Variants in ZCCHC7 observed in about 807,000 individuals in gnomAD.
The protein encoded by ZCCHC7 is zinc finger CCHC-type containing 7, also known as zinc finger CCHC domain-containing protein 7.
ZCCHC7 carries 35 observed loss-of-function variants against 52.0 expected under a neutral mutation model. The ratio of observed to expected loss-of-function variants is 0.67; its 90% CI spans 0.51 to 0.89. The LOEUF is 0.89. Among genes scored for constraint, ZCCHC7 ranks in the 40% least tolerant of loss-of-function variants. The pLI is 0.00. For missense variants in ZCCHC7, 574 were observed against 649.1 expected, an observed-to-expected ratio of 0.88 and a Z score of 1.26; for synonymous variants, 217 against 221.5, an observed-to-expected ratio of 0.98 and a Z score of 0.18.
At chr9:37,133,587 A>G (rs538159300) in intron 2 of ZCCHC7, among the ~76,000 whole-genome samples, 4 of 151,618 alleles carry the variant, frequency 2.6e-5, no homozygotes, top group South Asian at 4.2e-4. Context: ...TAAAAATTTT[A>G]AAATTTTTAT....
chr9:37,142,472 GAAAT>G (rs1843270775), intron 2 of ZCCHC7, among the ~76,000 whole-genome samples: 1 of 151,668 alleles, frequency 6.6e-6, no homozygotes, highest in African/African-American at 2.4e-5. Flanking sequence ...TAATTACCAA[GAAAT>G]AAATAGCATC....
At chr9:37,185,158 T>A (rs949839630) in intron 2 of ZCCHC7, among the ~76,000 whole-genome samples, 5 of 152,084 alleles carry the variant, frequency 3.3e-5, no homozygotes, top group Admixed American at 1.3e-4. Context: ...TCTCTAGAGG[T>A]CGTGGGTGCC....
chr9:37,263,538 G>A (rs779388269), intron 2 of ZCCHC7, among the ~76,000 whole-genome samples: 11 of 151,972 alleles, frequency 7.2e-5, no homozygotes, highest in Non-Finnish European at 1.2e-4. Context: ...ATTTACTAAG[G>A]AAGCATACTA....
intron 2 of ZCCHC7, among the ~76,000 whole-genome samples, chr9:37,277,905 A>C (rs10973285): frequency 0.14 from 21,396 of 152,160 alleles, 1,752 homozygotes; most frequent in Non-Finnish European, 0.17. Flanking sequence ...AGATATAAAT[A>C]AAAAGAAACT....
At chr9:37,165,003 G>A (rs577211816) in intron 2 of ZCCHC7, among the ~76,000 whole-genome samples, 6 of 152,102 alleles carry the variant, frequency 3.9e-5, no homozygotes, top group African/African-American at 7.2e-5. Flanking sequence ...TCGTGAACAC[G>A]GTATATCTGT....
chr9:37,142,835 A>C (rs1322920693), intron 2 of ZCCHC7, among the ~76,000 whole-genome samples: 1 of 151,854 alleles, frequency 6.6e-6, no homozygotes, highest in Non-Finnish European at 1.5e-5. Context: ...TATTCAGCAC[A>C]TCAAATCAAG....
intron 2 of ZCCHC7, among the ~76,000 whole-genome samples, chr9:37,181,942 C>T (rs1022182173): frequency 6.6e-6 from 1 of 152,210 alleles, no homozygotes; most frequent in Non-Finnish European, 1.5e-5. Flanking sequence ...ACTTCAGCTT[C>T]CCAAAGTGCT....
intron 2 of ZCCHC7, among the ~76,000 whole-genome samples, chr9:37,128,988 A>C (rs62535674): frequency 0.039 from 5,952 of 152,304 alleles, 189 homozygotes; most frequent in Non-Finnish European, 0.058. Flanking sequence ...ATGGTCATCA[A>C]ATTGTCATCT....
At chr9:37,222,987 G>A (rs1395230761) in intron 2 of ZCCHC7, among the ~76,000 whole-genome samples, 1 of 152,026 alleles carries the variant, frequency 6.6e-6, no homozygotes, top group Admixed American at 6.6e-5. Context: ...ATGATAAAAT[G>A]AGCATTCGTA....
At chr9:37,329,951 GT>G (rs1242297473) in intron 6 of ZCCHC7, among the ~76,000 whole-genome samples, 2 of 151,750 alleles carry the variant, frequency 1.3e-5, no homozygotes, top group African/African-American at 2.4e-5. Context: ...AACCAAAATT[GT>G]CATATTTCTT....
Position 37,154,227 on chromosome 9 carries a change from T to G in ZCCHC7, c.610+27285T>G, listed in dbSNP as rs1820689835. Among the ~76,000 whole-genome samples, 3 of 152,150 alleles carry G rather than the reference T, an allele frequency of 2.0e-5. No homozygotes were observed. In the South Asian group the frequency reaches 6.2e-4, roughly 32 times the overall value. ...GATTACTCTTGAGAGTGGAGGGGTG[T>G]CAACTCTTCTTTCCTTCTTTATTAC... On this transcript the variant is annotated intron_variant, in intron 2 of 8. Coordinates refer to ENST00000336755, the MANE Select transcript of ZCCHC7 (RefSeq NM_032226.3).
In ZCCHC7 at chr9:37,159,818, T is replaced by C. The variant is rs1221665165; in HGVS notation, c.610+32876T>C. 2.0e-5 allele frequency among the ~76,000 whole-genome samples: 3 copies of C among 152,182 alleles called. No homozygotes were observed. The East Asian group carries it at 5.8e-4, about 29-fold the overall frequency. On this transcript the variant is annotated intron_variant, in intron 2 of 8. Transcript: ENST00000336755. Reference sequence around the variant, plus strand: ...AGCAGAAAGACATCAGAAAAACTAATCAGTCATTAGGTTCTCTGGCAAGTG... The same window carrying C: ...AGCAGAAAGACATCAGAAAAACTAACCAGTCATTAGGTTCTCTGGCAAGTG...
At chr9:37,311,630 G>A (rs1284725537) in intron 5 of ZCCHC7, among the ~76,000 whole-genome samples, 2 of 152,088 alleles carry the variant, frequency 1.3e-5, no homozygotes, top group African/African-American at 4.8e-5. Flanking sequence ...GGCTGATGTC[G>A]AACTCCTGAC....
chr9:37,184,534 T>G (rs896971424), intron 2 of ZCCHC7, among the ~76,000 whole-genome samples: 2 of 152,182 alleles, frequency 1.3e-5, no homozygotes, highest in South Asian at 2.1e-4. Flanking sequence ...ACACCTCTAT[T>G]TCTGGAATTT....
At chr9:37,340,507 T>C (rs908882705) in intron 6 of ZCCHC7, among the ~76,000 whole-genome samples, 1 of 152,164 alleles carries the variant, frequency 6.6e-6, no homozygotes, top group Non-Finnish European at 1.5e-5. Flanking sequence ...CTTAAAAAAG[T>C]TCACAAAAAC....
intron 2 of ZCCHC7, among the ~76,000 whole-genome samples, chr9:37,274,344 T>C (rs1251308956): frequency 7.2e-6 from 1 of 139,008 alleles, no homozygotes; most frequent in East Asian, 2.0e-4. Context: ...TTTTTTTTTT[T>C]TTTTTTTTTT....
chr9:37,129,486 C>T (rs1201084711), intron 2 of ZCCHC7, among the ~76,000 whole-genome samples: 1 of 152,064 alleles, frequency 6.6e-6, no homozygotes, highest in African/African-American at 2.4e-5. Context: ...GTACTGATGC[C>T]CATTTAAGTG....
chr9:37,253,363 G>A (rs1035773988), intron 2 of ZCCHC7, among the ~76,000 whole-genome samples: 22 of 151,948 alleles, frequency 1.4e-4, no homozygotes, highest in Non-Finnish European at 3.2e-4. Context: ...AATAAAGATT[G>A]TAGTGTCAAT....
intron 5 of ZCCHC7, among the ~76,000 whole-genome samples, chr9:37,308,029 T>G (rs1403128411): frequency 6.6e-6 from 1 of 152,172 alleles, no homozygotes; most frequent in Non-Finnish European, 1.5e-5. Flanking sequence ...TCATCAACAT[T>G]AAGTATTATC....
Sources: gnomAD v4.1 joint callset for allele counts (sites outside exome capture counted in the v4.1 genomes callset) on GRCh38, gnomAD v4.1.1 for gene constraint, MANE v1.5 for transcripts, NCBI Gene and HGNC (gene_info 2026-07-23, HGNC 2026-07-21) for gene names.